Variants in HAUS7 observed in about 807,000 individuals in gnomAD.
The protein encoded by HAUS7 is HAUS augmin-like complex subunit 7.
HAUS7 carries 3 observed loss-of-function variants against 28.4 expected under a neutral mutation model. The ratio of observed to expected loss-of-function variants is 0.11; its 90% CI spans 0.05 to 0.27. The LOEUF (loss-of-function observed/expected upper bound fraction) is 0.27, where lower values mean the gene tolerates loss of function less well. Among genes scored for constraint, HAUS7 ranks in the 10% least tolerant of loss-of-function variants. The probability of loss-of-function intolerance (pLI) is 1.00; values close to 1 mark genes in which losing one functional copy is unlikely to be tolerated. For synonymous variants in HAUS7, 165 were observed against 132.1 expected, an observed-to-expected ratio of 1.25 and a Z score of -1.71; for missense variants, 284 against 297.3, an observed-to-expected ratio of 0.96 and a Z score of 0.33.
chrX:153,466,169 G>A (rs968886372), intron 2 of HAUS7, among the ~76,000 whole-genome samples: 1 of 112,767 alleles, frequency 8.9e-6, no homozygotes, highest in Non-Finnish European at 1.9e-5. Context: ...CTGCGCAAGC[G>A]GGGTTGGGGA....
intron 8 of HAUS7, chrX:153,455,321 A>C (rs2089291481): frequency 4.5e-6 from 2 of 444,021 alleles, no homozygotes. Context: ...GGGCAGGTCC[A>C]AGGACCAGAA....
chrX:153,473,901 C>T (rs1457746826), upstream of HAUS7, among the ~76,000 whole-genome samples: 8 of 112,240 alleles, frequency 7.1e-5, no homozygotes, highest in East Asian at 1.7e-3. Flanking sequence ...ATCCACCCTG[C>T]ATCCTGGCAT....
chrX:153,456,406 AG>A, intron 6 of HAUS7, 42 bp from the exon 7 acceptor site: 3 of 1,180,904 alleles, frequency 2.5e-6, no homozygotes, highest in Non-Finnish European at 3.5e-6. Context: ...CACCGCTGCC[AG>A]GGGTGTCTGC....
chrX:153,474,406 C>T (rs2089548422), upstream of HAUS7, among the ~76,000 whole-genome samples: 3 of 111,846 alleles, frequency 2.7e-5, no homozygotes, highest in Admixed American at 2.8e-4. Context: ...TCGCCATCAC[C>T]ATCGCCTCCA....
At chrX:153,475,753 C>A (rs1215777411) in intron 1 of HAUS7, among the ~76,000 whole-genome samples, 1 of 112,444 alleles carries the variant, frequency 8.9e-6, no homozygotes, top group Non-Finnish European at 1.9e-5. Flanking sequence ...CTGGGGGTCA[C>A]CCCAAGGCTG....
intron 9 of HAUS7, among the ~76,000 whole-genome samples, chrX:153,452,314 T>C (rs1453190751): frequency 1.8e-5 from 2 of 111,331 alleles, no homozygotes; most frequent in Non-Finnish European, 3.8e-5. Context: ...GTAACACAAA[T>C]CCACATGAAG....
intron 2 of HAUS7, among the ~76,000 whole-genome samples, chrX:153,465,682 A>C (rs2089446982): frequency 8.9e-6 from 1 of 112,236 alleles, no homozygotes; most frequent in South Asian, 3.7e-4. Flanking sequence ...TGGTGGGCAA[A>C]ACCAGATCCA....
chrX:153,454,264 A>T (rs1556981511), intron 9 of HAUS7, 130 bp downstream of exon 9: 6 of 450,718 alleles, frequency 1.3e-5, no homozygotes, highest in Non-Finnish European at 2.3e-5. Flanking sequence ...GAAGGAAAAC[A>T]TGCATTAGAA....
intron 1 of HAUS7, chrX:153,486,198 T>C: frequency 1.7e-6 from 1 of 586,882 alleles, no homozygotes; most frequent in Non-Finnish European, 2.3e-6. Flanking sequence ...GGCCCTGCCT[T>C]CTGGCTGGGC....
upstream of HAUS7, among the ~76,000 whole-genome samples, chrX:153,473,676 T>G (rs1483227042): frequency 8.9e-6 from 1 of 112,585 alleles, no homozygotes; most frequent in Non-Finnish European, 1.9e-5. Flanking sequence ...TGGCATTGGG[T>G]TTGAGGGAGA....
chrX:153,488,036 G>A (rs868964666), intron 1 of HAUS7, among the ~76,000 whole-genome samples: 4 of 112,926 alleles, frequency 3.5e-5, no homozygotes, highest in Non-Finnish European at 7.5e-5. Flanking sequence ...CAGGGAACAC[G>A]ACAGCCACTG....
chrX:153,460,798 C>T (rs1556983209), intron 4 of HAUS7, among the ~76,000 whole-genome samples: 1 of 112,314 alleles, frequency 8.9e-6, no homozygotes, highest in African/African-American at 3.2e-5. Flanking sequence ...AGTTCTCCTG[C>T]AGACTGGCAG....
intron 1 of HAUS7, 64 bp downstream of exon 1, chrX:153,470,386 C>T: frequency 8.9e-7 from 1 of 1,129,383 alleles, no homozygotes; most frequent in Non-Finnish European, 1.2e-6. Flanking sequence ...GCAAGCCCTC[C>T]CGGGCCTCGG....
In HAUS7 at chrX:153,485,360, T is replaced by A. The variant is rs141753285; in HGVS notation, c.-589+10014A>T. Among the ~76,000 whole-genome samples the A allele has an allele frequency of 6.4e-3, 716 of 111,398 alleles. 6 individuals are homozygous for A. The highest frequency in any genetic ancestry group is 0.022 in the African/African-American group (686 of 30,711). ...GGCAGAGAGCTCCCCTGCCCCACTT[T>A]TCCCCTAGATTTTAGGCGTCACCCT... is the stretch of plus-strand genomic sequence containing the variant. On this transcript the variant is annotated intron_variant, in intron 1 of 5. Coordinates refer to the HAUS7 transcript ENST00000370210.
At chrX:153,479,702 A>T (rs898967370) in intron 1 of HAUS7, among the ~76,000 whole-genome samples, 26 of 110,679 alleles carry the variant, frequency 2.3e-4, no homozygotes, top group Non-Finnish European at 3.8e-4. Flanking sequence ...GCTGGCAGAG[A>T]GGGGCTTGAG....
chrX:153,456,166 G>A (rs562287485), intron 7 of HAUS7, 99 bp downstream of exon 7: 57 of 629,241 alleles, frequency 9.1e-5, no homozygotes, highest in Non-Finnish European at 1.4e-4. Context: ...TGTCAGGCCC[G>A]GTGCACAGGC....
chrX:153,493,366 C>T (rs1353994036), intron 1 of HAUS7, among the ~76,000 whole-genome samples: 1 of 112,032 alleles, frequency 8.9e-6, no homozygotes, highest in African/African-American at 3.2e-5. Flanking sequence ...CTGCCTGTCC[C>T]GCTCTCTACC....
chrX:153,456,267 C>G lies in HAUS7; in HGVS notation c.703G>C (p.Glu235Gln), dbSNP rs1556982135. 8.3e-7 allele frequency: 1 copy of G among 1,203,561 alleles called. No homozygotes were observed. The highest frequency in any genetic ancestry group is 1.1e-6 in the Non-Finnish European group (1 of 888,594). The change falls in exon 7 of 10, where the codon GAG (glutamate) becomes CAG (glutamine). Residue 235 changes from glutamate (E) to glutamine (Q), a missense_variant and splice_region_variant. Physicochemically the swap from Glu to Gln is conservative, Grantham distance 29. Coordinates refer to ENST00000370211, the MANE Select transcript of HAUS7 (RefSeq NM_001385482.1). ...CTCCCAGGAGCTAGCACCCTCACCT[C>G]CGTTCTAAGCGCGTGCAACTTGGCA... ...SAAKLHALRT[E>Q]YFAQHEQGAA...
chrX:153,455,462 G>A lies in HAUS7; in HGVS notation c.930+80C>T, dbSNP rs1376736346. The A allele has an allele frequency of 4.5e-6, 3 of 670,759 alleles. No homozygotes were observed. The African/African-American group carries it at 6.5e-5, about 14-fold the overall frequency. The allele number at this position is 670,759 out of a possible 1,213,427, so 55.3% of individuals were successfully genotyped here. On this transcript the variant is annotated intron_variant, in intron 8 of 9. Transcript: ENST00000370211. The stretch of plus-strand genomic sequence containing the variant: ...CTTGTCAGGGGCTGCTGAGGCCCCT[G>A]AGCCCAAGCAGGATATAAGCTCTCA...
Sources: gnomAD v4.1 joint callset for allele counts (sites outside exome capture counted in the v4.1 genomes callset) on GRCh38, gnomAD v4.1.1 for gene constraint, MANE v1.5 for transcripts, NCBI Gene and HGNC (gene_info 2026-07-23, HGNC 2026-07-21) for gene names.